ZFAT: variants seen among roughly 807,000 people sequenced by gnomAD.
ZFAT encodes zinc finger and AT-hook domain containing.
Under a neutral mutation model 117.7 loss-of-function variants are expected in ZFAT, and 64 were observed. The observed-to-expected ratio is 0.54, with a 90% CI of 0.44 to 0.67. The LOEUF is 0.67. Among genes scored for constraint, ZFAT ranks in the 30% least tolerant of loss-of-function variants. The probability of loss-of-function intolerance (pLI) is 0.00; values close to 1 mark genes in which losing one functional copy is unlikely to be tolerated. For synonymous variants in ZFAT, 679 were observed against 615.0 expected (o/e 1.10, Z -1.54); for missense variants, 1,433 against 1,584.5 (o/e 0.90, Z 1.62).
intron 3 of ZFAT, among the ~76,000 whole-genome samples, chr8:134,617,733 C>T (rs571356963): frequency 1.0e-3 from 155 of 152,322 alleles, no homozygotes; most frequent in Non-Finnish European, 1.8e-3. Context: ...AAATAAGCTG[C>T]GCTGCCCAAC....
intron 1 of ZFAT, among the ~76,000 whole-genome samples, chr8:134,685,123 T>C (rs1020617346): frequency 6.6e-6 from 1 of 152,154 alleles, no homozygotes; most frequent in Non-Finnish European, 1.5e-5. Context: ...CTCCCTGCTG[T>C]CCTGTGAAAC....
At chr8:134,575,809 G>T (rs1318568290) in intron 10 of ZFAT, among the ~76,000 whole-genome samples, 1 of 152,206 alleles carries the variant, frequency 6.6e-6, no homozygotes, top group Non-Finnish European at 1.5e-5. Flanking sequence ...GCATTTTGCA[G>T]CAAGTGTTTT....
intron 8 of ZFAT, 34 bp downstream of exon 8, chr8:134,590,234 C>T (rs897814821): frequency 1.3e-6 from 2 of 1,523,208 alleles, no homozygotes; most frequent in Non-Finnish European, 9.1e-7. Context: ...GCATTTTTAA[C>T]ATTAATCTTC....
the ZFAT span, among the ~76,000 whole-genome samples, chr8:134,831,922 G>C: frequency 6.6e-6 from 1 of 151,872 alleles, no homozygotes; most frequent in Non-Finnish European, 1.5e-5. Flanking sequence ...GTCAGGCGGG[G>C]GGCTGAGCGC....
chr8:134,533,343 T>C (rs759284006), intron 11 of ZFAT, among the ~76,000 whole-genome samples: 9 of 152,222 alleles, frequency 5.9e-5, no homozygotes, highest in Admixed American at 1.3e-4. Flanking sequence ...CTCATTACAA[T>C]TGGTTCCCTG....
intron 10 of ZFAT, among the ~76,000 whole-genome samples, chr8:134,572,429 A>AG (rs1447553048): frequency 6.6e-6 from 1 of 152,224 alleles, no homozygotes; most frequent in Non-Finnish European, 1.5e-5. Flanking sequence ...CACACAAACC[A>AG]GAAGACAGAT....
chr8:134,791,946 C>G, the ZFAT span: 2 of 151,954 alleles, frequency 1.3e-5, no homozygotes, highest in African/African-American at 2.4e-5. Flanking sequence ...TCTGTTACAC[C>G]ATAGCCTAAT....
chr8:134,491,045 G>T (rs1405560500), intron 15 of ZFAT, among the ~76,000 whole-genome samples: 1 of 152,164 alleles, frequency 6.6e-6, no homozygotes, highest in East Asian at 1.9e-4. Context: ...TCACAACCAA[G>T]AATTGTTCTG....
the ZFAT span, among the ~76,000 whole-genome samples, chr8:134,819,778 T>C: frequency 1.6e-4 from 24 of 152,060 alleles, no homozygotes; most frequent in African/African-American, 5.6e-4. Flanking sequence ...AATGTATATT[T>C]ACATAAAATT....
At position 134,590,367 on chromosome 8, in the gene ZFAT, G is replaced by C. The variant is rs756736491; in HGVS notation, c.2476-12C>G. Reference sequence around the variant, plus strand: ...TAACTCCTTTTGTCCTTAATAGAAAGAGAACATAATCAGTTGACTTTCTCA... The same window carrying C: ...TAACTCCTTTTGTCCTTAATAGAAACAGAACATAATCAGTTGACTTTCTCA... On this transcript the variant is annotated splice_polypyrimidine_tract_variant and intron_variant, in intron 7 of 15. Coordinates refer to ENST00000377838, the MANE Select transcript of ZFAT (RefSeq NM_020863.4). 6.3e-7 allele frequency: 1 copy of C among 1,596,678 alleles called. No individual in the cohort carries two copies. Among genetic ancestry groups the C allele is most frequent in the South Asian group, 1.1e-5 (1 of 89,956 alleles).
intron 12 of ZFAT, among the ~76,000 whole-genome samples, chr8:134,525,430 T>A (rs1329141063): frequency 6.6e-6 from 1 of 152,162 alleles, no homozygotes; most frequent in African/African-American, 2.4e-5. Context: ...GTATTGCTCA[T>A]TAGGGTACTC....
At chr8:134,553,512 T>G (rs530288718) in intron 11 of ZFAT, among the ~76,000 whole-genome samples, 3 of 152,154 alleles carry the variant, frequency 2.0e-5, no homozygotes, top group Non-Finnish European at 2.9e-5. Flanking sequence ...CAGTGACATA[T>G]TTATGTGGTC....
At chr8:134,597,189 CTTTT>C (rs971658876) in intron 7 of ZFAT, among the ~76,000 whole-genome samples, 2 of 145,018 alleles carry the variant, frequency 1.4e-5, no homozygotes, top group East Asian at 4.0e-4. Flanking sequence ...GAAAGCAGAT[CTTTT>C]TTTTTTTTGT....
chr8:134,743,500 T>C, the ZFAT span, among the ~76,000 whole-genome samples: 440 of 151,474 alleles, frequency 2.9e-3, no homozygotes, highest in Admixed American at 4.5e-3. Context: ...AAGAAAAAAA[T>C]TTAAAAAAAT....
At chr8:134,486,974 G>A (rs919128494) in intron 15 of ZFAT, among the ~76,000 whole-genome samples, 1 of 152,180 alleles carries the variant, frequency 6.6e-6, no homozygotes, top group Admixed American at 6.5e-5. Flanking sequence ...GTACAGGTGT[G>A]TGTCCATGTG....
chr8:134,628,279 G>T (rs1829658089), intron 3 of ZFAT, among the ~76,000 whole-genome samples: 1 of 152,184 alleles, frequency 6.6e-6, no homozygotes, highest in Admixed American at 6.5e-5. Context: ...AGAATGACAT[G>T]TACAAGAGAT....
intron 10 of ZFAT, among the ~76,000 whole-genome samples, chr8:134,576,749 T>A (rs1825334566): frequency 6.6e-6 from 1 of 152,154 alleles, no homozygotes; most frequent in African/African-American, 2.4e-5. Context: ...TTATCATAAA[T>A]TGAAGAAGGG....
chr8:134,785,470 T>G, the ZFAT span: 5 of 152,254 alleles, frequency 3.3e-5, no homozygotes, highest in East Asian at 7.7e-4. Flanking sequence ...TATTACCTTC[T>G]AAAATATTTA....
At chr8:134,550,949 G>T (rs73709645) in intron 11 of ZFAT, among the ~76,000 whole-genome samples, 4,564 of 152,210 alleles carry the variant, frequency 0.03, 120 homozygotes, top group African/African-American at 0.072. Flanking sequence ...ACCACCAACA[G>T]AAACTCTATG....
Sources: gnomAD v4.1 joint callset for allele counts (sites outside exome capture counted in the v4.1 genomes callset) on GRCh38, gnomAD v4.1.1 for gene constraint, MANE v1.5 for transcripts, NCBI Gene and HGNC (gene_info 2026-07-23, HGNC 2026-07-21) for gene names.